Variants in PACRG observed in about 807,000 individuals in gnomAD.
PACRG encodes the protein parkin coregulated, also known as parkin coregulated gene protein.
Under a neutral mutation model 29.7 loss-of-function variants are expected in PACRG, and 29 were observed. That is an observed-to-expected ratio of 0.98 (90% CI 0.73 to 1.33). The LOEUF is 1.33. Ranked by LOEUF, PACRG falls within the 40% of genes most tolerant of loss-of-function variation. PACRG has a pLI of 0.00. For synonymous variants in PACRG, 116 were observed against 118.7 expected, an observed-to-expected ratio of 0.98 and a Z score of 0.15; for missense variants, 279 against 316.2, an observed-to-expected ratio of 0.88 and a Z score of 0.89.
chr6:163,005,400 A>G (rs1804972402), intron 2 of PACRG, among the ~76,000 whole-genome samples: 1 of 151,812 alleles, frequency 6.6e-6, no homozygotes, highest in Non-Finnish European at 1.5e-5. Context: ...GAGGTCATTG[A>G]CTTCAGACCT....
chr6:162,854,066 C>A (rs1315987567), intron 2 of PACRG, among the ~76,000 whole-genome samples: 2 of 151,696 alleles, frequency 1.3e-5, no homozygotes, highest in Non-Finnish European at 2.9e-5. Flanking sequence ...TTACTTCCCA[C>A]ATATTTTGAC....
intron 2 of PACRG, among the ~76,000 whole-genome samples, chr6:162,887,479 C>T (rs1305268384): frequency 6.6e-6 from 1 of 152,160 alleles, no homozygotes; most frequent in Non-Finnish European, 1.5e-5. Flanking sequence ...CATGTGACCA[C>T]AGATGTTTTG....
At chr6:162,794,251 G>T (rs1785186717) in intron 1 of PACRG, among the ~76,000 whole-genome samples, 1 of 152,036 alleles carries the variant, frequency 6.6e-6, no homozygotes. Flanking sequence ...TGGCTATTCA[G>T]TTATACTCTT....
intron 2 of PACRG, among the ~76,000 whole-genome samples, chr6:162,821,767 G>T (rs1787859725): frequency 6.6e-6 from 1 of 152,126 alleles, no homozygotes; most frequent in South Asian, 2.1e-4. Flanking sequence ...ATAATCTCCA[G>T]TTGTATTCCA....
chr6:162,935,392 CT>C (rs79058842), intron 2 of PACRG, among the ~76,000 whole-genome samples: 15,560 of 123,898 alleles, frequency 0.13, 1,038 homozygotes, highest in East Asian at 0.28. Context: ...CTGTTTTATT[CT>C]TTTTTTTTTT....
chr6:162,784,355 T>A (rs1429299243), intron 1 of PACRG, among the ~76,000 whole-genome samples: 1 of 152,174 alleles, frequency 6.6e-6, no homozygotes, highest in African/African-American at 2.4e-5. Flanking sequence ...CTTATCTTAA[T>A]TTCTCGATCT....
rs566797045 is a variant in PACRG, at chr6:163,296,477, T to C, written c.614-18350T>C. ...GCCCGGCTAATTTTTGTATTTTTAG[T>C]AGAGACGGGGTTTCACCATCTTGGC... is the stretch of plus-strand genomic sequence containing the variant. On this transcript the variant is annotated intron_variant, in intron 4 of 4. Transcript: ENST00000366888. Among the ~76,000 whole-genome samples the C allele has an allele frequency of 2.3e-4, 35 of 152,276 alleles. 1 individual carries two copies. The highest frequency in any genetic ancestry group is 1.7e-3 in the Admixed American group (26 of 15,294).
chr6:162,758,173 T>G (rs1377477217), intron 1 of PACRG, among the ~76,000 whole-genome samples: 2 of 152,188 alleles, frequency 1.3e-5, no homozygotes, highest in Non-Finnish European at 2.9e-5. Flanking sequence ...ATTATTAGCT[T>G]TCTTATCTGA....
At chr6:163,189,071 T>G (rs144217584) in intron 4 of PACRG, among the ~76,000 whole-genome samples, 6 of 152,316 alleles carry the variant, frequency 3.9e-5, no homozygotes, top group African/African-American at 9.6e-5. Context: ...GGTTGGGGAA[T>G]GCTGAGATGG....
chr6:162,881,106 G>T (rs1793799861), intron 2 of PACRG, among the ~76,000 whole-genome samples: 1 of 152,238 alleles, frequency 6.6e-6, no homozygotes, highest in African/African-American at 2.4e-5. Flanking sequence ...GAATGAGCCT[G>T]TGTATGGACC....
chr6:162,788,567 G>A (rs1381006386), intron 1 of PACRG, among the ~76,000 whole-genome samples: 1 of 152,146 alleles, frequency 6.6e-6, no homozygotes, highest in Admixed American at 6.5e-5. Context: ...AGTATGTTTA[G>A]TTTTGTAAGA....
chr6:162,942,134 A>G (rs1220176455), intron 2 of PACRG, among the ~76,000 whole-genome samples: 1 of 152,226 alleles, frequency 6.6e-6, no homozygotes, highest in Non-Finnish European at 1.5e-5. Context: ...CTTTCGCACC[A>G]AAAGAAACCT....
At chr6:163,259,852 C>T (rs1562344013) in intron 4 of PACRG, among the ~76,000 whole-genome samples, 1 of 152,174 alleles carries the variant, frequency 6.6e-6, no homozygotes, top group Non-Finnish European at 1.5e-5. Context: ...ATCCGCCCCG[C>T]TCCACCCCCA....
At chr6:162,727,497 C>A (rs922924770), upstream of PACRG, among the ~76,000 whole-genome samples, 5 of 151,538 alleles carry the variant, frequency 3.3e-5, no homozygotes, top group Admixed American at 2.0e-4. Flanking sequence ...GGACCCGCGT[C>A]GCTGAGCTGG....
intron 2 of PACRG, among the ~76,000 whole-genome samples, chr6:162,981,179 C>T (rs1438238977): frequency 6.6e-6 from 1 of 151,886 alleles, no homozygotes; most frequent in African/African-American, 2.4e-5. Context: ...GAATAATACT[C>T]TCCAATTCTA....
At chr6:163,248,682 A>G (rs1394943741) in intron 4 of PACRG, among the ~76,000 whole-genome samples, 1 of 152,174 alleles carries the variant, frequency 6.6e-6, no homozygotes, top group Non-Finnish European at 1.5e-5. Context: ...TCTGACAACT[A>G]TTAGGTTTTC....
Position 163,015,004 on chromosome 6 carries a change from C to T in PACRG, c.292-47146C>T, listed in dbSNP as rs570027462. On this transcript the variant is annotated intron_variant, in intron 2 of 4. Transcript: ENST00000366888. ...AGGTCTTATATTTAAATTCTCAATT[C>T]ATCTTGAGTTAATTTTTTTGTATAG... Among the ~76,000 whole-genome samples the T allele has an allele frequency of 1.4e-4, 22 of 152,206 alleles. No individual in the cohort carries two copies. In the South Asian group the frequency reaches 3.9e-3, roughly 27 times the overall value.
chr6:162,806,461 C>T (rs1234105381), intron 1 of PACRG, among the ~76,000 whole-genome samples: 1 of 151,564 alleles, frequency 6.6e-6, no homozygotes, highest in African/African-American at 2.4e-5. Flanking sequence ...GTCAAAATTA[C>T]CCCTTGATGC....
intron 2 of PACRG, among the ~76,000 whole-genome samples, chr6:162,908,304 G>C (rs1422407418): frequency 6.6e-6 from 1 of 152,144 alleles, no homozygotes; most frequent in Non-Finnish European, 1.5e-5. Context: ...CATTTCAAAA[G>C]CATGCATTTC....
Sources: allele counts gnomAD v4.1 joint callset (sites outside exome capture counted in the v4.1 genomes callset), GRCh38; gene constraint gnomAD v4.1.1; transcripts MANE v1.5; gene names NCBI Gene and HGNC (gene_info 2026-07-23, HGNC 2026-07-21).